Variants in TSBP1 observed in about 807,000 individuals in gnomAD.
The protein encoded by TSBP1 is testis-expressed basic protein 1.
TSBP1 carries 56 observed loss-of-function variants against 68.8 expected under a neutral mutation model. The observed-to-expected ratio is 0.81, with a 90% CI of 0.66 to 1.02. TSBP1 has a LOEUF of 1.02. Among genes scored for constraint, TSBP1 ranks in the 50% least tolerant of loss-of-function variants. TSBP1 has a pLI of 0.00. For synonymous variants in TSBP1, 171 were observed against 208.7 expected, an observed-to-expected ratio of 0.82 and a Z score of 1.56; for missense variants, 502 against 641.2, an observed-to-expected ratio of 0.78 and a Z score of 2.34.
At chr6:32,334,405 C>T (rs1769407460) in intron 14 of TSBP1, among the ~76,000 whole-genome samples, 1 of 152,074 alleles carries the variant, frequency 6.6e-6, no homozygotes, top group African/African-American at 2.4e-5. Context: ...TCATTTTATT[C>T]ATTGTTAATA....
At chr6:32,323,253 T>A in intron 17 of TSBP1, 116 bp from the exon 19 acceptor site, 1 of 707,666 alleles carries the variant, frequency 1.4e-6, no homozygotes, top group Non-Finnish European at 2.5e-6. Context: ...TAAATTATGA[T>A]TCTATGACTA....
chr6:32,362,545 A>G (rs1226156292), intron 6 of TSBP1, among the ~76,000 whole-genome samples: 1 of 152,240 alleles, frequency 6.6e-6, no homozygotes, highest in Non-Finnish European at 1.5e-5. Flanking sequence ...TAAGACAAAT[A>G]TTAACCACTT....
chr6:32,334,865 C>G (rs982744761), intron 14 of TSBP1, among the ~76,000 whole-genome samples: 1 of 152,068 alleles, frequency 6.6e-6, no homozygotes. Context: ...AACCCCATCT[C>G]TACTAAAAAT....
chr6:32,355,444 C>T (rs999115258), intron 7 of TSBP1, among the ~76,000 whole-genome samples: 86 of 152,024 alleles, frequency 5.7e-4, no homozygotes, highest in Admixed American at 1.8e-3. Flanking sequence ...TTATTACTTT[C>T]CTTTTCTCTT....
At chr6:32,309,138 C>T (rs993976682) in intron 19 of TSBP1, among the ~76,000 whole-genome samples, 1 of 151,832 alleles carries the variant, frequency 6.6e-6, no homozygotes, top group Non-Finnish European at 1.5e-5. Context: ...TTTGTAGAGA[C>T]AGGATTTCAC....
At chr6:32,324,622 T>C in intron 16 of TSBP1, 1 of 1,535,934 alleles carries the variant, frequency 6.5e-7, no homozygotes, top group Non-Finnish European at 8.8e-7. Context: ...GACCGAGTCC[T>C]AAAGGAGAGA....
chr6:32,355,744 A>C, intron 6 of TSBP1, 75 bp from the exon 7 acceptor site: 1 of 1,512,116 alleles, frequency 6.6e-7, no homozygotes, highest in Non-Finnish European at 8.8e-7. Context: ...ACTACAGAGG[A>C]TTACCCAATC....
At chr6:32,317,693 CAT>C (rs1488049808) in intron 18 of TSBP1, among the ~76,000 whole-genome samples, 1 of 152,168 alleles carries the variant, frequency 6.6e-6, no homozygotes, top group Non-Finnish European at 1.5e-5. Context: ...AGCTCACAAA[CAT>C]ATGAAGAAAA....
exon 23 of TSBP1, chr6:32,293,834 C>A (rs1392656364): frequency 1.2e-6 from 2 of 1,612,928 alleles, no homozygotes; most frequent in Admixed American, 3.3e-5. Context: ...TAAATCAGTG[C>A]CTTTTCCTTC....
intron 16 of TSBP1, chr6:32,326,095 C>A: frequency 7.1e-7 from 1 of 1,399,738 alleles, no homozygotes; most frequent in South Asian, 1.1e-5. Flanking sequence ...TGGTGGAGGC[C>A]AATACTTTGC....
intron 19 of TSBP1, among the ~76,000 whole-genome samples, chr6:32,307,809 CTT>C (rs1765919612): frequency 6.7e-6 from 1 of 148,742 alleles, no homozygotes; most frequent in Non-Finnish European, 1.5e-5. Flanking sequence ...GAATTTCGCT[CTT>C]GTCACTTAGG....
rs1252480221 is a variant in TSBP1, at chr6:32,325,010, G to T, written c.515-1396C>A. On this transcript the variant is annotated intron_variant, in intron 16 of 22. Coordinates refer to ENST00000612031, the Ensembl canonical transcript of TSBP1. This position sits in a 1 kb window ranked among gnomAD's most constrained non-coding sequence, Gnocchi z 4.4. The stretch of plus-strand genomic sequence containing the variant: ...ATGACTTATCTAGAAAGCAGAAATG[G>T]ATCTATATCATTTTTCTGTCATTTT... 1.3e-5 allele frequency among the ~76,000 whole-genome samples: 2 copies of T among 151,850 alleles called. No individual in the cohort carries two copies. Among genetic ancestry groups the T allele is most frequent in the African/African-American group, 4.8e-5 (2 of 41,354 alleles).
chr6:32,315,906 G>A lies in TSBP1; in HGVS notation c.560-114C>T. 1 of 641,532 alleles carries A rather than the reference G, an allele frequency of 1.6e-6. No individual in the cohort carries two copies. Among genetic ancestry groups the A allele is most frequent in the Non-Finnish European group, 2.6e-6 (1 of 381,808 alleles). The allele number at this position is 641,532 out of a possible 1,614,324, so 39.7% of individuals were successfully genotyped here. On this transcript the variant is annotated intron_variant, in intron 18 of 22. Transcript: ENST00000612031. The surrounding 1 kb of genome is among the most constrained non-coding windows in gnomAD (Gnocchi z 5.4). ...GGGGAGGACTTGTGTGGGCAAAGAA[G>A]GAAGCATTCCAAACCACCCTATAGA...
At chr6:32,293,651 CTCT>C in exon 23 of TSBP1, 1 of 1,613,058 alleles carries the variant, frequency 6.2e-7, no homozygotes, top group East Asian at 2.2e-5. Flanking sequence ...ACCTGACTCA[CTCT>C]TCTTTACTTG....
At chr6:32,368,673 A>G in intron 3 of TSBP1, 109 bp downstream of exon 3, 3 of 1,153,810 alleles carry the variant, frequency 2.6e-6, no homozygotes, top group Non-Finnish European at 3.7e-6. Flanking sequence ...GCAATGGTGC[A>G]CTATGCAAGG....
At position 32,357,528 on chromosome 6, in the gene TSBP1, G is replaced by A. The variant is rs146208054; in HGVS notation, c.218-1859C>T. Among the ~76,000 whole-genome samples the A allele has an allele frequency of 6.6e-6, 1 of 152,210 alleles. No homozygotes were observed. Among genetic ancestry groups the A allele is most frequent in the Non-Finnish European group, 1.5e-5 (1 of 68,002 alleles). ...GTAAATTACTTTATTCATTTAAGAG[G>A]TACTTATTAAGGATCTCCCTCGCTG... On this transcript the variant is annotated intron_variant, in intron 6 of 22. Coordinates refer to ENST00000612031, the Ensembl canonical transcript of TSBP1. This position sits in a 1 kb window ranked among gnomAD's most constrained non-coding sequence, Gnocchi z 4.7.
chr6:32,305,641 G>A (rs1305549085), intron 19 of TSBP1, among the ~76,000 whole-genome samples: 2 of 152,118 alleles, frequency 1.3e-5, no homozygotes, highest in Non-Finnish European at 2.9e-5. Flanking sequence ...GATTACAGGT[G>A]TGTGCCACCA....
chr6:32,307,596 CTG>C (rs1355532738), intron 19 of TSBP1, among the ~76,000 whole-genome samples: 1 of 138,624 alleles, frequency 7.2e-6, no homozygotes, highest in Admixed American at 6.9e-5. Flanking sequence ...TAATTTTTGT[CTG>C]TTTATTTTAT....
chr6:32,347,657 T>TTTTAA (rs1554203628), intron 9 of TSBP1, among the ~76,000 whole-genome samples: 5 of 152,270 alleles, frequency 3.3e-5, no homozygotes, highest in African/African-American at 4.8e-5. Context: ...CCTTCCCTGA[T>TTTTAA]GAAAACAATG....
Sources: gnomAD v4.1 joint callset for allele counts (sites outside exome capture counted in the v4.1 genomes callset) on GRCh38, gnomAD v4.1.1 for gene constraint, Gnocchi (gnomAD v3.1) non-coding constraint, MANE v1.5 for transcripts, NCBI Gene and HGNC (gene_info 2026-07-23, HGNC 2026-07-21) for gene names.